The following VSTM2L variants were observed in gnomAD, a reference collection of about 807,000 sequenced individuals.
VSTM2L encodes V-set and transmembrane domain-containing protein 2-like protein.
VSTM2L carries 9 observed loss-of-function variants against 19.9 expected under a neutral mutation model. The ratio of observed to expected loss-of-function variants is 0.45; its 90% CI spans 0.27 to 0.79. VSTM2L has a LOEUF of 0.79. Among genes scored for constraint, VSTM2L ranks in the 30% least tolerant of loss-of-function variants. The pLI, the probability that VSTM2L is intolerant of heterozygous loss-of-function variation, is 0.15. For synonymous variants in VSTM2L, 127 were observed against 133.8 expected (o/e 0.95, Z 0.35); for missense variants, 286 against 295.5 (o/e 0.97, Z 0.24).
At chr20:37,928,203 C>T (rs2122962991) in intron 1 of VSTM2L, among the ~76,000 whole-genome samples, 1 of 152,264 alleles carries the variant, frequency 6.6e-6, no homozygotes, top group South Asian at 2.1e-4. Flanking sequence ...TGGTGCCCTG[C>T]TGCTGGGCAG....
intron 1 of VSTM2L, among the ~76,000 whole-genome samples, chr20:37,926,969 A>G (rs2072882372): frequency 6.6e-6 from 1 of 152,192 alleles, no homozygotes; most frequent in African/African-American, 2.4e-5. Context: ...ATGTCTCATT[A>G]GTAATTTCTT....
At chr20:37,921,838 C>CTTTTTTTTTTTTTTTCTTT (rs2072853306) in intron 1 of VSTM2L, among the ~76,000 whole-genome samples, 1 of 91,784 alleles carries the variant, frequency 1.1e-5, no homozygotes, top group African/African-American at 5.2e-5. Context: ...CTTTCTTTTC[C>CTTTTTTTTTTTTTTTCTTT]TTTTTTTTTT....
Position 37,920,269 on chromosome 20 carries a change from G to T in VSTM2L, c.122-11366G>T, listed in dbSNP as rs2038388. Among the ~76,000 whole-genome samples the T allele has an allele frequency of 2.6e-3, 393 of 152,298 alleles. 3 individuals carry two copies. Among genetic ancestry groups the T allele is most frequent in the East Asian group, 0.016 (82 of 5,186 alleles). On this transcript the variant is annotated intron_variant, in intron 1 of 3. Transcript: ENST00000373461. ...CCCTGAGCCTCAGTTTCCCTGCCTG[G>T]AATAAAGGGACAATGATCCCTGCCC...
chr20:37,914,749 G>C (rs550100674), intron 1 of VSTM2L, among the ~76,000 whole-genome samples: 3 of 152,168 alleles, frequency 2.0e-5, no homozygotes, highest in African/African-American at 7.2e-5. Context: ...CCTTGCAGAG[G>C]GGAAAACTGA....
At chr20:37,932,159 C>A (rs1271665644) in intron 2 of VSTM2L, among the ~76,000 whole-genome samples, 16 of 152,196 alleles carry the variant, frequency 1.1e-4, no homozygotes, top group Admixed American at 1.0e-3. Flanking sequence ...TGACTCACTT[C>A]CCACCACTTC....
At position 37,906,512 on chromosome 20, in the gene VSTM2L, G is replaced by A. The variant is rs552163214; in HGVS notation, c.121+3041G>A. ...TGATGAAATGCCTACTGTGTGCCCC[G>A]TGCTGCCAAGCCCTTGCCAGTGTTA... On this transcript the variant is annotated intron_variant, in intron 1 of 3. Transcript: ENST00000373461. 2.2e-4 allele frequency among the ~76,000 whole-genome samples: 34 copies of A among 152,324 alleles called. No individual in the cohort carries two copies. In the East Asian group the frequency reaches 4.6e-3, roughly 21 times the overall value.
intron 3 of VSTM2L, among the ~76,000 whole-genome samples, chr20:37,934,228 G>C (rs1039276221): frequency 2.0e-5 from 3 of 152,230 alleles, no homozygotes; most frequent in Non-Finnish European, 4.4e-5. Flanking sequence ...CTGCAGGCCA[G>C]TGCAGCTGGG....
At chr20:37,927,589 C>A (rs2072885713) in intron 1 of VSTM2L, among the ~76,000 whole-genome samples, 1 of 152,186 alleles carries the variant, frequency 6.6e-6, no homozygotes, top group East Asian at 1.9e-4. Context: ...TCTCTCCTGG[C>A]TGAACCCGGG....
intron 1 of VSTM2L, among the ~76,000 whole-genome samples, chr20:37,926,042 G>A (rs1166049557): frequency 2.0e-5 from 3 of 152,160 alleles, no homozygotes; most frequent in Non-Finnish European, 4.4e-5. Context: ...TGCAAGGTTG[G>A]CCATTTGAGA....
Position 37,933,555 on chromosome 20 carries a change from A to G in VSTM2L, c.308A>G (p.Gln103Arg), listed in dbSNP as rs1426462779. The G allele has an allele frequency of 1.2e-6, 2 of 1,612,446 alleles. No individual in the cohort carries two copies. Among genetic ancestry groups the G allele is most frequent in the Non-Finnish European group, 1.7e-6 (2 of 1,179,850 alleles). Residue 103 changes from glutamine to arginine, a missense_variant, in exon 3 of 4, where the codon CAG (glutamine) becomes CGG (arginine). Transcript: ENST00000373461. Reference sequence around the variant, plus strand: ...TCCCAACAGCTAAAAGCATCTCAGCAGGAAGACGCAGGGAAGGAGGCAACC... The same window carrying G: ...TCCCAACAGCTAAAAGCATCTCAGCGGGAAGACGCAGGGAAGGAGGCAACC... ...WASNQLKASQ[Q>R]EDAGKEATKI...
chr20:37,933,098 G>C (rs2072919793), intron 2 of VSTM2L, among the ~76,000 whole-genome samples: 1 of 152,226 alleles, frequency 6.6e-6, no homozygotes. Context: ...TTGCAAAGGT[G>C]GGGAATGTGG....
At chr20:37,939,683 T>C (rs1250749660) in intron 3 of VSTM2L, among the ~76,000 whole-genome samples, 1 of 152,188 alleles carries the variant, frequency 6.6e-6, no homozygotes, top group Non-Finnish European at 1.5e-5. Flanking sequence ...TGCTTGATTA[T>C]GGGTTAGGGG....
intron 3 of VSTM2L, among the ~76,000 whole-genome samples, chr20:37,936,226 G>A (rs1166246524): frequency 3.3e-5 from 5 of 150,666 alleles, no homozygotes; most frequent in Non-Finnish European, 4.4e-5. Context: ...TCACATATGC[G>A]TACCGGTGAC....
At chr20:37,912,173 C>T (rs551364030) in intron 1 of VSTM2L, among the ~76,000 whole-genome samples, 1 of 152,354 alleles carries the variant, frequency 6.6e-6, no homozygotes, top group African/African-American at 2.4e-5. Flanking sequence ...ACAGCAAAGC[C>T]GGGCTTGAGC....
chr20:37,919,792 T>G (rs966161260), intron 1 of VSTM2L, among the ~76,000 whole-genome samples: 4 of 152,318 alleles, frequency 2.6e-5, no homozygotes, highest in Admixed American at 2.6e-4. Context: ...GGGGGAAATT[T>G]TGCAGCCAGC....
chr20:37,911,235 CAAAAAAAAAA>C (rs11352183), intron 1 of VSTM2L, among the ~76,000 whole-genome samples: 1 of 45,772 alleles, frequency 2.2e-5, no homozygotes, highest in African/African-American at 1.1e-4. Flanking sequence ...GACTCCATCT[CAAAAAAAAAA>C]AAAAAAAAAA....
At position 37,908,029 on chromosome 20, in the gene VSTM2L, G is replaced by A. The variant is rs150970258; in HGVS notation, c.121+4558G>A. Among the ~76,000 whole-genome samples, 326 of 152,336 alleles carry A rather than the reference G, an allele frequency of 2.1e-3. 2 individuals are homozygous for A. Among genetic ancestry groups the A allele is most frequent in the African/African-American group, 7.3e-3 (303 of 41,580 alleles). On this transcript the variant is annotated intron_variant, in intron 1 of 3. Transcript: ENST00000373461. ...AAATGTGTTCGTCTTTGTCTCGGGC[G>A]TTGGTGATTATTCTATCAATTACGC...
At chr20:37,903,640 A>C (rs2072734717) in intron 1 of VSTM2L, among the ~76,000 whole-genome samples, 169 bp downstream of exon 1, 1 of 152,032 alleles carries the variant, frequency 6.6e-6, no homozygotes, top group Non-Finnish European at 1.5e-5. Context: ...CCTGCAGAGA[A>C]GGGGGCACCC....
intron 1 of VSTM2L, among the ~76,000 whole-genome samples, chr20:37,907,824 G>A (rs1291970353): frequency 2.0e-5 from 3 of 152,164 alleles, no homozygotes; most frequent in East Asian, 3.9e-4. Flanking sequence ...GACCAGCAGG[G>A]TGCTGGGGGA....
Sources: gnomAD v4.1 joint callset for allele counts (sites outside exome capture counted in the v4.1 genomes callset) on GRCh38, gnomAD v4.1.1 for gene constraint, MANE v1.5 for transcripts, NCBI Gene and HGNC (gene_info 2026-07-23, HGNC 2026-07-21) for gene names.